Variants in CNTNAP5 observed in about 807,000 individuals in gnomAD.
The protein encoded by CNTNAP5 is contactin associated protein family member 5, also known as contactin-associated protein-like 5.
A neutral mutation model predicts 150.2 loss-of-function variants in CNTNAP5; 72 were observed. The observed-to-expected ratio is 0.48, with a 90% confidence interval of 0.40 to 0.58. The LOEUF (loss-of-function observed/expected upper bound fraction) is 0.58. Ranked by LOEUF, CNTNAP5 falls within the 20% of genes least tolerant of loss-of-function variation. The pLI, the probability that CNTNAP5 is intolerant of heterozygous loss-of-function variation, is 0.00. For synonymous variants in CNTNAP5, 672 were observed against 619.8 expected (o/e 1.08, Z -1.25); for missense variants, 1,636 against 1,626.2 (o/e 1.01, Z -0.10).
intron 1 of CNTNAP5, among the ~76,000 whole-genome samples, chr2:124,120,788 G>T (rs937283838): frequency 6.6e-6 from 1 of 152,172 alleles, no homozygotes; most frequent in Non-Finnish European, 1.5e-5. Flanking sequence ...AAGTAAAATA[G>T]ATATCAACTA....
At chr2:124,348,982 C>T (rs192803898) in intron 3 of CNTNAP5, among the ~76,000 whole-genome samples, 85 of 152,032 alleles carry the variant, frequency 5.6e-4, no homozygotes, top group Non-Finnish European at 9.6e-4. Context: ...GATGCCCTTC[C>T]CAGAGGTGTG....
At chr2:124,080,839 A>G (rs1457080498) in intron 1 of CNTNAP5, among the ~76,000 whole-genome samples, 1 of 152,202 alleles carries the variant, frequency 6.6e-6, no homozygotes, top group Non-Finnish European at 1.5e-5. Flanking sequence ...CTTAAAAACC[A>G]TAGACACGGA....
intron 10 of CNTNAP5, among the ~76,000 whole-genome samples, chr2:124,539,262 G>T (rs1218078602): frequency 6.6e-6 from 1 of 152,188 alleles, no homozygotes; most frequent in Admixed American, 6.5e-5. Context: ...GAAGTTCATA[G>T]AATTCCAATT....
intron 19 of CNTNAP5, among the ~76,000 whole-genome samples, chr2:124,810,418 G>T (rs1024678457): frequency 4.6e-5 from 7 of 152,092 alleles, no homozygotes; most frequent in African/African-American, 9.7e-5. Flanking sequence ...CATGTCATCT[G>T]GCTTCCCCAG....
rs1184519267 is a variant in CNTNAP5, at chr2:124,865,347, C to T, written c.3259C>T (p.His1087Tyr). The change falls in exon 20 of 24, where the codon CAT becomes TAT. Residue 1087 changes from histidine (H) to tyrosine (Y), a missense_variant. Transcript: ENST00000682447. ...CTATCACCTAAACAAGGAAGAAACCCATGTATTCACCATTGATGCAGATAA... is the reference window on the plus strand; with the variant it reads ...CTATCACCTAAACAAGGAAGAAACCTATGTATTCACCATTGATGCAGATAA... ...VRYHLNKEET[H>Y]VFTIDADNFA... 6.4e-7 allele frequency: 1 copy of T among 1,564,634 alleles called. No homozygotes were observed. Among genetic ancestry groups the T allele is most frequent in the Non-Finnish European group, 8.7e-7 (1 of 1,152,956 alleles).
chr2:124,880,856 A>G (rs1677950193), intron 21 of CNTNAP5, among the ~76,000 whole-genome samples: 1 of 152,126 alleles, frequency 6.6e-6, no homozygotes, highest in African/African-American at 2.4e-5. Flanking sequence ...TCTAGCTGAG[A>G]TGACCCAGAA....
At chr2:124,392,449 T>G (rs939804024) in intron 3 of CNTNAP5, among the ~76,000 whole-genome samples, 5 of 152,048 alleles carry the variant, frequency 3.3e-5, no homozygotes, top group African/African-American at 1.2e-4. Flanking sequence ...GAAAGTAAGT[T>G]GACAAAACCA....
chr2:124,232,273 A>G (rs1462179347), intron 2 of CNTNAP5, among the ~76,000 whole-genome samples: 3 of 152,168 alleles, frequency 2.0e-5, no homozygotes, highest in African/African-American at 4.8e-5. Flanking sequence ...TCAGTTTACA[A>G]TGTTTTCAAT....
chr2:124,690,834 G>T (rs1219084855), intron 13 of CNTNAP5, among the ~76,000 whole-genome samples: 2 of 151,954 alleles, frequency 1.3e-5, no homozygotes, highest in African/African-American at 2.4e-5. Flanking sequence ...TATTCCCATG[G>T]CTCTTTGCTT....
intron 3 of CNTNAP5, among the ~76,000 whole-genome samples, chr2:124,363,016 G>A (rs1365752035): frequency 6.6e-6 from 1 of 152,188 alleles, no homozygotes; most frequent in Non-Finnish European, 1.5e-5. Context: ...AATGGATGTG[G>A]CTTATAATAA....
At chr2:124,114,264 T>C (rs1683373970) in intron 1 of CNTNAP5, among the ~76,000 whole-genome samples, 1 of 152,002 alleles carries the variant, frequency 6.6e-6, no homozygotes, top group South Asian at 2.1e-4. Context: ...GGTCCATCTC[T>C]CTCTTCATTT....
At chr2:124,098,090 C>G (rs1019373969) in intron 1 of CNTNAP5, among the ~76,000 whole-genome samples, 1 of 152,180 alleles carries the variant, frequency 6.6e-6, no homozygotes, top group Non-Finnish European at 1.5e-5. Flanking sequence ...AACTTAACTA[C>G]TATTAATAAT....
At chr2:124,820,668 C>T (rs150381920) in intron 19 of CNTNAP5, among the ~76,000 whole-genome samples, 1 of 152,256 alleles carries the variant, frequency 6.6e-6, no homozygotes, top group East Asian at 1.9e-4. Flanking sequence ...TTGTAATCTT[C>T]TCTTAAATAT....
At chr2:124,374,029 T>G (rs921723817) in intron 3 of CNTNAP5, among the ~76,000 whole-genome samples, 1 of 152,072 alleles carries the variant, frequency 6.6e-6, no homozygotes, top group African/African-American at 2.4e-5. Flanking sequence ...ATAGAAGAGA[T>G]AATATTTATC....
chr2:124,235,705 A>G (rs564776637), intron 2 of CNTNAP5, among the ~76,000 whole-genome samples: 1 of 152,270 alleles, frequency 6.6e-6, no homozygotes, highest in East Asian at 1.9e-4. Flanking sequence ...AGGAAAGCCA[A>G]ACTAAGTCAT....
At chr2:124,431,217 TC>T (rs1692370804) in intron 4 of CNTNAP5, among the ~76,000 whole-genome samples, 1 of 152,130 alleles carries the variant, frequency 6.6e-6, no homozygotes, top group South Asian at 2.1e-4. Flanking sequence ...ATTTGTATCC[TC>T]AGTTAAGTCA....
intron 3 of CNTNAP5, among the ~76,000 whole-genome samples, chr2:124,281,968 CTT>C (rs937073640): frequency 2.6e-5 from 4 of 152,134 alleles, no homozygotes; most frequent in African/African-American, 4.8e-5. Context: ...CATCTTCACT[CTT>C]TTTCAGAAAC....
chr2:124,658,179 C>T (rs1158503812), intron 13 of CNTNAP5, among the ~76,000 whole-genome samples: 1 of 152,132 alleles, frequency 6.6e-6, no homozygotes, highest in Non-Finnish European at 1.5e-5. Context: ...TGCACTTGGC[C>T]AAGCCTGTCA....
At chr2:124,867,096 A>C (rs1192714974) in intron 20 of CNTNAP5, among the ~76,000 whole-genome samples, 2 of 151,840 alleles carry the variant, frequency 1.3e-5, no homozygotes, top group African/African-American at 4.8e-5. Flanking sequence ...GAAGAAAATC[A>C]CTCTAGCATT....
Sources: allele counts gnomAD v4.1 joint callset (sites outside exome capture counted in the v4.1 genomes callset), GRCh38; gene constraint gnomAD v4.1.1; transcripts MANE v1.5; gene names NCBI Gene and HGNC (gene_info 2026-07-23, HGNC 2026-07-21).